RAPGEF4: variants seen among roughly 807,000 people sequenced by gnomAD.
RAPGEF4 encodes the protein RAP guanine-nucleotide-exchange factor (GEF) 4.
In RAPGEF4, 66 loss-of-function variants were observed where a neutral mutation model predicts 147.9. The ratio of observed to expected loss-of-function variants is 0.45; its 90% CI spans 0.37 to 0.55. The LOEUF (loss-of-function observed/expected upper bound fraction) is 0.55, where lower values mean the gene tolerates loss of function less well. Among genes scored for constraint, RAPGEF4 ranks in the 20% least tolerant of loss-of-function variants. The pLI is 0.00. For missense variants in RAPGEF4, 1,071 were observed against 1,257.3 expected (o/e 0.85, Z 2.24); for synonymous variants, 419 against 442.7 (o/e 0.95, Z 0.67).
intron 26 of RAPGEF4, 42 bp from the exon 27 acceptor site, chr2:173,033,872 T>C (rs371113830): frequency 1.6e-5 from 25 of 1,580,064 alleles, no homozygotes; most frequent in Non-Finnish European, 2.1e-5. Flanking sequence ...ATCTAGATAT[T>C]GAATCTGACA....
chr2:172,878,603 G>A (rs1863174), intron 4 of RAPGEF4, among the ~76,000 whole-genome samples: 147,412 of 152,260 alleles, frequency 0.97, 71,526 homozygotes, highest in East Asian at 1. Context: ...TTATTCTTTT[G>A]GAGAATGAAG....
intron 1 of RAPGEF4, among the ~76,000 whole-genome samples, chr2:172,747,619 C>T (rs898098830): frequency 3.3e-5 from 5 of 152,156 alleles, no homozygotes; most frequent in African/African-American, 1.2e-4. Flanking sequence ...GCACCTACCA[C>T]CATGCCTGGA....
At chr2:172,989,831 C>G (rs1692647865) in intron 14 of RAPGEF4, among the ~76,000 whole-genome samples, 2 of 152,136 alleles carry the variant, frequency 1.3e-5, no homozygotes. Flanking sequence ...GCATCCCTAT[C>G]CCCTCCTGAA....
At chr2:172,812,827 A>C (rs1688156560) in intron 3 of RAPGEF4, among the ~76,000 whole-genome samples, 1 of 152,230 alleles carries the variant, frequency 6.6e-6, no homozygotes, top group South Asian at 2.1e-4. Context: ...ACTTCAGGGA[A>C]CCTGCTATTC....
At chr2:172,781,264 T>G (rs1285009710) in intron 1 of RAPGEF4, among the ~76,000 whole-genome samples, 3 of 152,210 alleles carry the variant, frequency 2.0e-5, no homozygotes, top group Non-Finnish European at 4.4e-5. Context: ...GTGGCCCTTC[T>G]GGCAGGCTGG....
At chr2:172,772,557 T>G (rs1346202534) in intron 1 of RAPGEF4, among the ~76,000 whole-genome samples, 2 of 152,104 alleles carry the variant, frequency 1.3e-5, no homozygotes, top group African/African-American at 4.8e-5. Context: ...TTGGCCAGGC[T>G]GGTCTCAAAC....
chr2:172,973,452 A>G (rs1266433901), intron 10 of RAPGEF4, among the ~76,000 whole-genome samples: 1 of 151,992 alleles, frequency 6.6e-6, no homozygotes, highest in Non-Finnish European at 1.5e-5. Context: ...ATATTTTAAT[A>G]CTCTTCTTCC....
intron 5 of RAPGEF4, 51 bp downstream of exon 5, chr2:172,917,925 G>C: frequency 6.8e-7 from 1 of 1,476,108 alleles, no homozygotes; most frequent in Non-Finnish European, 9.5e-7. Context: ...CGTGTGGTAT[G>C]TGTTTTCATG....
At chr2:173,040,486 GT>G (rs1294470879) in intron 29 of RAPGEF4, among the ~76,000 whole-genome samples, 1 of 152,214 alleles carries the variant, frequency 6.6e-6, no homozygotes, top group Non-Finnish European at 1.5e-5. Flanking sequence ...GGCAGCCTCT[GT>G]GGGGCTGGTG....
intron 17 of RAPGEF4, among the ~76,000 whole-genome samples, chr2:173,013,125 TTC>T (rs1695181221): frequency 6.6e-6 from 1 of 152,206 alleles, no homozygotes; most frequent in Admixed American, 6.5e-5. Flanking sequence ...TGCCTTAAAG[TTC>T]TGTCATTTAC....
At chr2:172,873,579 G>A (rs1416812833) in intron 4 of RAPGEF4, among the ~76,000 whole-genome samples, 3 of 152,186 alleles carry the variant, frequency 2.0e-5, no homozygotes, top group Non-Finnish European at 4.4e-5. Flanking sequence ...TTTAGGTAAA[G>A]ATTTCCTTGT....
intron 4 of RAPGEF4, among the ~76,000 whole-genome samples, chr2:172,854,689 A>AT (rs1461002116): frequency 6.6e-6 from 1 of 151,606 alleles, no homozygotes; most frequent in Non-Finnish European, 1.5e-5. Flanking sequence ...GGATTAATTA[A>AT]TTTTTTTATA....
rs1204842317 is a variant in RAPGEF4 at position 173,018,801 on chromosome 2, A to G, written c.2154A>G (p.Gly718=). The change falls in exon 22 of 31, where the codon GGA becomes GGG. Residue 718 remains glycine (G), a splice_region_variant and synonymous_variant. Coordinates refer to ENST00000397081, the MANE Select transcript of RAPGEF4 (RefSeq NM_007023.4). The part of the protein sequence containing the change: ...GLIIVKMSSG[G]EKVVLKPNDV... ...TCATAGTCAAGATGAGTTCCGGAGG[A>G]GGTAACAGTCTTAATTCATATTTTA... 2 of 1,613,086 alleles carry G rather than the reference A, an allele frequency of 1.2e-6. No homozygotes were observed. The highest frequency in any genetic ancestry group is 1.1e-5 in the South Asian group (1 of 90,856).
At chr2:173,031,272 T>TC (rs1169059409) in intron 26 of RAPGEF4, among the ~76,000 whole-genome samples, 2 of 152,178 alleles carry the variant, frequency 1.3e-5, no homozygotes, top group African/African-American at 4.8e-5. Context: ...CAGCAGCTCA[T>TC]CCCCTGAATA....
At chr2:172,816,326 T>C (rs901301271) in intron 4 of RAPGEF4, among the ~76,000 whole-genome samples, 5 of 151,704 alleles carry the variant, frequency 3.3e-5, no homozygotes, top group African/African-American at 1.2e-4. Flanking sequence ...CATCATGGCA[T>C]TGACTTGTTA....
At chr2:172,754,533 T>A (rs748827929) in intron 1 of RAPGEF4, among the ~76,000 whole-genome samples, 1 of 152,158 alleles carries the variant, frequency 6.6e-6, no homozygotes, top group Non-Finnish European at 1.5e-5. Context: ...AAGCTATTAT[T>A]GATATTTTAG....
intron 4 of RAPGEF4, among the ~76,000 whole-genome samples, chr2:172,857,388 C>T (rs367760612): frequency 6.6e-6 from 1 of 152,124 alleles, no homozygotes; most frequent in Non-Finnish European, 1.5e-5. Context: ...GGTGTCAATT[C>T]CTTATGCACC....
rs532845217 is a variant in RAPGEF4 at position 172,886,358 on chromosome 2, A to C, written c.445-31444A>C. On this transcript the variant is annotated intron_variant, in intron 4 of 30. Transcript: ENST00000397081. ...AGACCACATGGCTCACAAAGTCTAA[A>C]ATGTTTACCATGTAGACCTTTACAA... 2.0e-5 allele frequency among the ~76,000 whole-genome samples: 3 copies of C among 152,292 alleles called. No individual in the cohort carries two copies. The East Asian group carries it at 5.8e-4, about 29-fold the overall frequency.
chr2:172,964,953 C>T (rs976992048), intron 8 of RAPGEF4, among the ~76,000 whole-genome samples: 2 of 152,204 alleles, frequency 1.3e-5, no homozygotes, highest in Non-Finnish European at 2.9e-5. Flanking sequence ...TGGAGCTCTT[C>T]AGATGACAGG....
Sources: gnomAD v4.1 joint callset for allele counts (sites outside exome capture counted in the v4.1 genomes callset) on GRCh38, gnomAD v4.1.1 for gene constraint, MANE v1.5 for transcripts, NCBI Gene and HGNC (gene_info 2026-07-23, HGNC 2026-07-21) for gene names.